SLC22A14: variants seen among roughly 807,000 people sequenced by gnomAD.
The protein encoded by SLC22A14 is organic cation transporter-like 4.
In SLC22A14, 50 loss-of-function variants were observed where a neutral mutation model predicts 53.9. That is an observed-to-expected ratio of 0.93 (90% CI 0.74 to 1.17). The LOEUF is 1.17. Among genes scored for constraint, SLC22A14 ranks in the 50% most tolerant of loss-of-function variants. The pLI, the probability that SLC22A14 is intolerant of heterozygous loss-of-function variation, is 0.00. For missense variants in SLC22A14, 671 were observed against 734.7 expected (o/e 0.91, Z 1.00); for synonymous variants, 312 against 303.0 (o/e 1.03, Z -0.31).
In SLC22A14 at chr3:38,313,851, C is replaced by G; in HGVS notation, c.1288C>G (p.Leu430Val). 1 of 1,614,052 alleles carries G rather than the reference C, an allele frequency of 6.2e-7. No homozygotes were observed. Reference protein sequence around the residue: ...EVPARLCCIFLLQQIGRKWSL... With the variant: ...EVPARLCCIFVLQQIGRKWSL... The stretch of plus-strand genomic sequence containing the variant: ...GCCTGCCCGGCTGTGCTGCATCTTT[C>G]TCCTCCAGCAGATTGGGAGGAAGTG... The change falls in exon 8 of 11, where the codon CTC becomes GTC. Residue 430 changes from leucine to valine, a missense_variant. By Grantham distance (32) the Leu-to-Val change is conservative (BLOSUM62 1). Coordinates refer to ENST00000448498, the MANE Select transcript of SLC22A14 (RefSeq NM_001320033.2).
chr3:38,280,083 C>T (rs1703633354), upstream of SLC22A14, among the ~76,000 whole-genome samples: 1 of 152,170 alleles, frequency 6.6e-6, no homozygotes, highest in Non-Finnish European at 1.5e-5. Context: ...ATTTCCACTG[C>T]GTGTTTCATA....
intron 1 of SLC22A14, among the ~76,000 whole-genome samples, chr3:38,286,599 C>T (rs1416260604): frequency 6.6e-6 from 1 of 151,152 alleles, no homozygotes; most frequent in Non-Finnish European, 1.5e-5. Context: ...TTAGTAGAGA[C>T]TGGGTTTCAC....
chr3:38,318,502 T>TAAA lies in SLC22A14; in HGVS notation c.*259_*261dup. On this transcript the variant is annotated 3_prime_UTR_variant, in exon 11 of 11. Transcript: ENST00000448498. ...CTTCTCCCAGGCCAGCCCTTGACAT[T>TAAA]AAAAAAAATGCCCCCTCCTTCTGCA... The TAAA allele has an allele frequency of 2.9e-6, 1 of 345,370 alleles. No homozygotes were observed. The highest frequency in any genetic ancestry group is 5.5e-6 in the Non-Finnish European group (1 of 183,394). The allele number at this position is 345,370 out of a possible 1,614,324, so 21.4% of individuals were successfully genotyped here.
At chr3:38,299,112 G>GT (rs2125880192) in intron 1 of SLC22A14, among the ~76,000 whole-genome samples, 1 of 152,246 alleles carries the variant, frequency 6.6e-6, no homozygotes, top group Admixed American at 6.5e-5. Context: ...CTTCAATGCA[G>GT]TTATGATGTT....
chr3:38,310,866 A>G (rs1042973216), intron 5 of SLC22A14, among the ~76,000 whole-genome samples: 8 of 152,036 alleles, frequency 5.3e-5, no homozygotes, highest in Non-Finnish European at 1.2e-4. Context: ...GGCTGCTCCA[A>G]TCAACCTCCT....
In SLC22A14 at chr3:38,307,409, A is replaced by G. The variant is rs750854012; in HGVS notation, c.620+52A>G. On this transcript the variant is annotated intron_variant, in intron 3 of 10. Coordinates refer to ENST00000448498, the MANE Select transcript of SLC22A14 (RefSeq NM_001320033.2). This position sits in a 1 kb window ranked among gnomAD's most constrained non-coding sequence, Gnocchi z 4.4. ...CCCCGAGCCATCCCAACTCCTCCTC[A>G]TGGGCATTCAGGGTTGGAGTGTGTC... The G allele has an allele frequency of 3.3e-6, 5 of 1,521,474 alleles. No individual in the cohort carries two copies. Among genetic ancestry groups the G allele is most frequent in the Non-Finnish European group, 3.7e-6 (4 of 1,095,762 alleles). The allele number at this position is 1,521,474 out of a possible 1,614,324, so 94.2% of individuals were successfully genotyped here. A position where few individuals can be genotyped will look rare whatever the true frequency, so the allele number is the denominator to read the frequency against.
intron 5 of SLC22A14, among the ~76,000 whole-genome samples, chr3:38,309,483 T>C (rs1490747204): frequency 6.6e-6 from 1 of 152,090 alleles, no homozygotes; most frequent in Non-Finnish European, 1.5e-5. Flanking sequence ...TTCACTGCAG[T>C]GGCAGAGGGT....
At chr3:38,304,863 G>C (rs949441948) in intron 1 of SLC22A14, among the ~76,000 whole-genome samples, 4 of 151,912 alleles carry the variant, frequency 2.6e-5, no homozygotes, top group Admixed American at 1.3e-4. Context: ...TTTTTATTTC[G>C]TCTCCATTTC....
intron 1 of SLC22A14, among the ~76,000 whole-genome samples, chr3:38,291,284 A>G (rs965112697): frequency 5.0e-4 from 76 of 152,324 alleles, no homozygotes; most frequent in African/African-American, 1.6e-3. Flanking sequence ...GGGAACCTCT[A>G]GAAGGTCCCC....
At position 38,318,535 on chromosome 3, in the gene SLC22A14, T is replaced by G; in HGVS notation, c.*286T>G. On this transcript the variant is annotated 3_prime_UTR_variant, in exon 11 of 11. Coordinates refer to ENST00000448498, the MANE Select transcript of SLC22A14 (RefSeq NM_001320033.2). ...ATGCCCCCTCCTTCTGCAGGAGCTC[T>G]GCTGTGATTCATTCCAATAAAGGTA... 5.2e-6 allele frequency: 2 copies of G among 384,068 alleles called. No homozygotes were observed. Among genetic ancestry groups the G allele is most frequent in the African/African-American group, 2.0e-5 (1 of 49,646 alleles). The allele number at this position is 384,068 out of a possible 1,614,324, so 23.8% of individuals were successfully genotyped here. A position where few individuals can be genotyped will look rare whatever the true frequency, so the allele number is the denominator to read the frequency against.
chr3:38,316,111 C>T (rs1409482272), intron 9 of SLC22A14, among the ~76,000 whole-genome samples: 3 of 152,250 alleles, frequency 2.0e-5, no homozygotes, highest in African/African-American at 7.2e-5. Context: ...TGTCCTCTCC[C>T]CGCACATCCA....
chr3:38,279,780 C>T (rs1703627222), upstream of SLC22A14, among the ~76,000 whole-genome samples: 3 of 152,018 alleles, frequency 2.0e-5, no homozygotes. Context: ...TTCACTGGAC[C>T]CTGGTTGTGT....
chr3:38,312,690 C>G (rs1704500176), intron 5 of SLC22A14, among the ~76,000 whole-genome samples: 1 of 152,124 alleles, frequency 6.6e-6, no homozygotes, highest in Non-Finnish European at 1.5e-5. Context: ...TAGGGGTGGC[C>G]CCCTAGATAG....
At position 38,307,743 on chromosome 3, in the gene SLC22A14, C is replaced by A. The variant is rs977203916; in HGVS notation, c.775+23C>A. 1 of 1,612,860 alleles carries A rather than the reference C, an allele frequency of 6.2e-7. No individual in the cohort carries two copies. Among genetic ancestry groups the A allele is most frequent in the Non-Finnish European group, 8.5e-7 (1 of 1,179,290 alleles). The stretch of plus-strand genomic sequence containing the variant: ...TGGGTGAGACTGGGCCTCAATGGGG[C>A]AGGGCAGGGTGGCACAGGGGCATGG... On this transcript the variant is annotated intron_variant, in intron 4 of 10. Transcript: ENST00000448498. The surrounding 1 kb of genome is among the most constrained non-coding windows in gnomAD (Gnocchi z 4.4).
At chr3:38,304,210 A>G (rs1704241766) in intron 1 of SLC22A14, among the ~76,000 whole-genome samples, 1 of 151,170 alleles carries the variant, frequency 6.6e-6, no homozygotes, top group Admixed American at 6.6e-5. Flanking sequence ...AAAAAAGTTC[A>G]ATCAAATCAG....
At chr3:38,284,038 T>C (rs1212372548) in intron 1 of SLC22A14, among the ~76,000 whole-genome samples, 2 of 152,218 alleles carry the variant, frequency 1.3e-5, no homozygotes, top group Non-Finnish European at 2.9e-5. Flanking sequence ...CCAAATGGGC[T>C]AGCCAAGGGA....
chr3:38,298,194 A>T (rs1327504418), intron 1 of SLC22A14, among the ~76,000 whole-genome samples: 3 of 152,038 alleles, frequency 2.0e-5, no homozygotes, highest in African/African-American at 7.2e-5. Context: ...TGTTCTTTTG[A>T]TGTGCCCCCA....
intron 10 of SLC22A14, among the ~76,000 whole-genome samples, chr3:38,317,871 C>T (rs182192365): frequency 6.6e-6 from 1 of 152,236 alleles, no homozygotes; most frequent in East Asian, 1.9e-4. Flanking sequence ...CCCAGCCATC[C>T]TCTCCCATGG....
chr3:38,313,528 G>A (rs374194862), intron 7 of SLC22A14, 43 bp downstream of exon 7: 38 of 1,404,582 alleles, frequency 2.7e-5, no homozygotes, highest in Middle Eastern at 1.8e-4. Context: ...GAACAGGTGC[G>A]CAGGCTGGAA....
Sources: gnomAD v4.1 joint callset for allele counts (sites outside exome capture counted in the v4.1 genomes callset) on GRCh38, gnomAD v4.1.1 for gene constraint, Gnocchi (gnomAD v3.1) non-coding constraint, MANE v1.5 for transcripts, NCBI Gene and HGNC (gene_info 2026-07-23, HGNC 2026-07-21) for gene names.